NOS1AP: variants seen among roughly 807,000 people sequenced by gnomAD.
NOS1AP encodes the protein nitric oxide synthase 1 adaptor protein.
A neutral mutation model predicts 56.2 loss-of-function variants in NOS1AP; 21 were observed. That is an observed-to-expected ratio of 0.37 (90% CI 0.26 to 0.54). NOS1AP has a LOEUF of 0.54. Ranked by LOEUF, NOS1AP falls within the 20% of genes least tolerant of loss-of-function variation. NOS1AP has a pLI of 0.84. For synonymous variants in NOS1AP, 270 were observed against 274.6 expected (o/e 0.98, Z 0.17); for missense variants, 522 against 657.8 (o/e 0.79, Z 2.26).
At chr1:162,170,260 A>T (rs1650700963) in intron 2 of NOS1AP, among the ~76,000 whole-genome samples, 1 of 152,202 alleles carries the variant, frequency 6.6e-6, no homozygotes, top group Non-Finnish European at 1.5e-5. Context: ...TGCCAGTTCT[A>T]TTCTAAGCAC....
At chr1:162,268,886 T>A (rs780590009) in intron 2 of NOS1AP, among the ~76,000 whole-genome samples, 1 of 151,908 alleles carries the variant, frequency 6.6e-6, no homozygotes, top group African/African-American at 2.4e-5. Context: ...ATCTAGGAAG[T>A]CCAACATCTG....
intron 1 of NOS1AP, among the ~76,000 whole-genome samples, chr1:162,115,650 A>G (rs910316758): frequency 6.6e-6 from 1 of 152,176 alleles, no homozygotes; most frequent in African/African-American, 2.4e-5. Flanking sequence ...CGTTTTGCCA[A>G]CAGCCCCATG....
intron 8 of NOS1AP, among the ~76,000 whole-genome samples, chr1:162,362,813 A>AC (rs1016506470): frequency 4.6e-5 from 7 of 151,968 alleles, no homozygotes; most frequent in Non-Finnish European, 1.0e-4. Flanking sequence ...GATTTGGGGG[A>AC]CCCCCAGCTG....
chr1:162,291,304 C>CA (rs1281935501), intron 3 of NOS1AP, among the ~76,000 whole-genome samples: 2 of 152,212 alleles, frequency 1.3e-5, no homozygotes, highest in Non-Finnish European at 2.9e-5. Context: ...GCACCAGACA[C>CA]ATGTAGTATG....
At chr1:162,178,510 C>T (rs1347654340) in intron 2 of NOS1AP, among the ~76,000 whole-genome samples, 2 of 152,078 alleles carry the variant, frequency 1.3e-5, no homozygotes, top group South Asian at 2.1e-4. Flanking sequence ...TTTTAGCAAC[C>T]CTATGAAGTA....
chr1:162,361,607 T>C (rs1211958789), intron 8 of NOS1AP, among the ~76,000 whole-genome samples: 1 of 152,202 alleles, frequency 6.6e-6, no homozygotes, highest in Non-Finnish European at 1.5e-5. Flanking sequence ...GCTCAGGCAG[T>C]AGCAGCAGTG....
intron 3 of NOS1AP, among the ~76,000 whole-genome samples, chr1:162,299,980 A>G (rs1330288966): frequency 6.6e-6 from 1 of 152,074 alleles, no homozygotes; most frequent in East Asian, 1.9e-4. Context: ...CAATTAATCC[A>G]CTGTATACCC....
chr1:162,123,322 G>T (rs935938391), intron 1 of NOS1AP, among the ~76,000 whole-genome samples: 1 of 152,114 alleles, frequency 6.6e-6, no homozygotes, highest in Non-Finnish European at 1.5e-5. Flanking sequence ...ACAGGCATGT[G>T]CCACCACGCC....
intron 2 of NOS1AP, among the ~76,000 whole-genome samples, chr1:162,232,586 C>G (rs1653157627): frequency 6.6e-6 from 1 of 151,570 alleles, no homozygotes; most frequent in Admixed American, 6.6e-5. Context: ...CAGATGCGGT[C>G]TGCTGACACA....
chr1:162,315,826 C>T (rs1656210149), intron 4 of NOS1AP, among the ~76,000 whole-genome samples: 1 of 152,204 alleles, frequency 6.6e-6, no homozygotes, highest in African/African-American at 2.4e-5. Context: ...TTCCTGATTT[C>T]ATCCCTACCC....
rs530320942 is a variant in NOS1AP, at chr1:162,096,888, A to G, written c.105+26606A>G. 2.2e-4 allele frequency among the ~76,000 whole-genome samples: 34 copies of G among 152,300 alleles called. 1 individual carries two copies. The highest frequency in any genetic ancestry group is 6.5e-4 in the African/African-American group (27 of 41,564). On this transcript the variant is annotated intron_variant, in intron 1 of 9. Transcript: ENST00000361897. ...ACAATTGTAGACTGCTGCAGCAAAC[A>G]TTCTTGTATAAATCTCCAAGTCTCC... is the stretch of plus-strand genomic sequence containing the variant.
intron 2 of NOS1AP, among the ~76,000 whole-genome samples, chr1:162,211,225 A>T (rs1396162193): frequency 6.6e-6 from 1 of 152,186 alleles, no homozygotes; most frequent in Non-Finnish European, 1.5e-5. Context: ...GAACAAGAGA[A>T]ATTTATTTTT....
chr1:162,137,299 C>T (rs977072468), intron 1 of NOS1AP, among the ~76,000 whole-genome samples: 3 of 152,182 alleles, frequency 2.0e-5, no homozygotes, highest in Admixed American at 6.5e-5. Context: ...CTGGGCCACT[C>T]CTGCCACCCT....
chr1:162,165,380 G>T (rs6657366), intron 2 of NOS1AP, among the ~76,000 whole-genome samples: 3,360 of 152,268 alleles, frequency 0.022, 119 homozygotes, highest in African/African-American at 0.077. Flanking sequence ...ACATTAACCA[G>T]AATTGAGTAC....
chr1:162,243,698 C>T (rs1168414528), intron 2 of NOS1AP, among the ~76,000 whole-genome samples: 1 of 152,156 alleles, frequency 6.6e-6, no homozygotes, highest in African/African-American at 2.4e-5. Flanking sequence ...AAATATTCTT[C>T]CTTAATTAAT....
intron 4 of NOS1AP, among the ~76,000 whole-genome samples, chr1:162,321,680 G>T (rs1364680053): frequency 1.3e-5 from 2 of 148,344 alleles, no homozygotes; most frequent in African/African-American, 2.5e-5. Context: ...TAACAAACCT[G>T]CACGTTGTGC....
At chr1:162,095,438 A>G (rs756363333) in intron 1 of NOS1AP, among the ~76,000 whole-genome samples, 4 of 152,196 alleles carry the variant, frequency 2.6e-5, no homozygotes, top group Admixed American at 6.5e-5. Flanking sequence ...ATAAACTTCT[A>G]TTGTCTAACC....
chr1:162,270,235 C>T (rs1039808888), intron 2 of NOS1AP, among the ~76,000 whole-genome samples: 2 of 152,116 alleles, frequency 1.3e-5, no homozygotes, highest in Admixed American at 1.3e-4. Flanking sequence ...TTCCTTGCTT[C>T]CTCCCTGAGT....
chr1:162,283,455 G>A (rs925884709), intron 2 of NOS1AP, among the ~76,000 whole-genome samples: 1 of 152,120 alleles, frequency 6.6e-6, no homozygotes, highest in East Asian at 1.9e-4. Flanking sequence ...GGGTTAGGAG[G>A]CAGTTTGGGA....
Sources: gnomAD v4.1 joint callset for allele counts (sites outside exome capture counted in the v4.1 genomes callset) on GRCh38, gnomAD v4.1.1 for gene constraint, MANE v1.5 for transcripts, NCBI Gene and HGNC (gene_info 2026-07-23, HGNC 2026-07-21) for gene names.